The following ABCA6 variants were observed in gnomAD, a reference collection of about 807,000 sequenced individuals.
ABCA6 encodes the protein ATP binding cassette subfamily A member 6, also known as ATP-binding cassette sub-family A member 6.
ABCA6 carries 164 observed loss-of-function variants against 191.2 expected under a neutral mutation model. That is an observed-to-expected ratio of 0.86 (90% CI 0.76 to 0.98). The LOEUF is 0.98. ABCA6 is among the 50% of genes least tolerant of loss of function. The pLI, the probability that ABCA6 is intolerant of heterozygous loss-of-function variation, is 0.00. For synonymous variants in ABCA6, 636 were observed against 647.7 expected (o/e 0.98, Z 0.27); for missense variants, 1,958 against 1,894.1 (o/e 1.03, Z -0.63).
chr17:69,085,931 C>T (rs1011359807), intron 30 of ABCA6, among the ~76,000 whole-genome samples: 2 of 152,196 alleles, frequency 1.3e-5, no homozygotes, highest in Admixed American at 6.5e-5. Flanking sequence ...GATGTCAATA[C>T]ATCTGTCCTT....
Position 69,089,513 on chromosome 17 carries a change from T to A in ABCA6, c.3558A>T (p.Pro1186=). Residue 1186 remains proline (P), a synonymous_variant, in exon 27 of 39, where the codon CCA becomes CCT. Transcript: ENST00000284425. ...TGGCACTCAATTCAAAATTTGCCTCTGGAAATTCTCTGTAGTGCTCCTGGT... is the reference window on the plus strand; with the variant it reads ...TGGCACTCAATTCAAAATTTGCCTCAGGAAATTCTCTGTAGTGCTCCTGGT... ...VRDQEHYREF[P]EANFELSATD... 4 of 1,613,668 alleles carry A rather than the reference T, an allele frequency of 2.5e-6. No homozygotes were observed. The highest frequency in any genetic ancestry group is 3.4e-6 in the Non-Finnish European group (4 of 1,179,904).
chr17:69,138,275 C>T (rs2073980033), intron 2 of ABCA6, among the ~76,000 whole-genome samples: 1 of 152,140 alleles, frequency 6.6e-6, no homozygotes, highest in Non-Finnish European at 1.5e-5. Context: ...ACTTTACTTC[C>T]ACTCTCAACT....
intron 12 of ABCA6, among the ~76,000 whole-genome samples, 169 bp from the exon 13 acceptor site, chr17:69,115,106 A>G (rs2073512317): frequency 6.6e-6 from 1 of 152,124 alleles, no homozygotes; most frequent in Non-Finnish European, 1.5e-5. Flanking sequence ...TGTGAACACA[A>G]TTTGTGAACT....
chr17:69,136,459 A>C (rs2073949964), intron 3 of ABCA6, among the ~76,000 whole-genome samples: 1 of 152,208 alleles, frequency 6.6e-6, no homozygotes, highest in Admixed American at 6.5e-5. Flanking sequence ...TACATGTTTT[A>C]TTTTCATAAT....
Position 69,128,502 on chromosome 17 carries a change from C to T in ABCA6, c.1119+117G>A, listed in dbSNP as rs138298037. ...GTAATAATAACATTTTAAAGCTTAA[C>T]TTTAGAAAAATTGTTTAGAATAAAA... is the stretch of plus-strand genomic sequence containing the variant. On this transcript the variant is annotated intron_variant, in intron 8 of 38. Transcript: ENST00000284425. 69 of 700,626 alleles carry T rather than the reference C, an allele frequency of 9.8e-5. No individual in the cohort carries two copies. The African/African-American group carries it at 1.0e-3, about 10-fold the overall frequency. The allele number at this position is 700,626 out of a possible 1,614,324, so 43.4% of individuals were successfully genotyped here.
Position 69,133,734 on chromosome 17 carries a change from G to A in ABCA6, c.698C>T (p.Pro233Leu), listed in dbSNP as rs1351381773. The A allele has an allele frequency of 3.1e-6, 5 of 1,610,876 alleles. No individual in the cohort carries two copies. In the African/African-American group the frequency reaches 4.0e-5, roughly 13 times the overall value. The change falls in exon 6 of 39, where the codon CCA becomes CTA. Residue 233 changes from proline (P) to leucine (L), a missense_variant. Transcript: ENST00000284425. ...FILFFLLHFS[P>L]LVYFISLNVT... is the part of the protein sequence containing the mutation. ...ATTGAGTGATATAAAATATACAAGTGGGGAGAAATGAAGCAAGAAGAATAA... is the reference window on the plus strand; with the variant it reads ...ATTGAGTGATATAAAATATACAAGTAGGGAGAAATGAAGCAAGAAGAATAA...
chr17:69,106,218 A>G lies in ABCA6; in HGVS notation c.2390-7T>C. The G allele has an allele frequency of 6.2e-7, 1 of 1,605,136 alleles. No individual in the cohort carries two copies. The highest frequency in any genetic ancestry group is 8.5e-7 in the Non-Finnish European group (1 of 1,176,270). ...ATCTCCACTTGTTCGAAATCTATAA[A>G]CACACACATACACAAACACACATAT... On this transcript the variant is annotated splice_region_variant and splice_polypyrimidine_tract_variant and intron_variant, in intron 18 of 38. Transcript: ENST00000284425.
At chr17:69,079,140 G>A in intron 38 of ABCA6, 66 bp from the exon 39 acceptor site, 1 of 1,577,804 alleles carries the variant, frequency 6.3e-7, no homozygotes, top group Non-Finnish European at 8.7e-7. Flanking sequence ...TCTTCCAAAT[G>A]AACAGGAAAA....
chr17:69,115,503 T>G lies in ABCA6; in HGVS notation c.1496-17A>C. 3 of 1,588,174 alleles carry G rather than the reference T, an allele frequency of 1.9e-6. No homozygotes were observed. The highest frequency in any genetic ancestry group is 2.6e-6 in the Non-Finnish European group (3 of 1,162,790). ...AGAGCAAGCCTATTTTTAGAACAAA[T>G]TGTTAACAAATTATTAACAGTATAA... On this transcript the variant is annotated splice_polypyrimidine_tract_variant and intron_variant, in intron 11 of 38. Coordinates refer to ENST00000284425, the MANE Select transcript of ABCA6 (RefSeq NM_080284.3).
Position 69,113,206 on chromosome 17 carries a change from T to G in ABCA6, c.2041+16A>C. ...CAATTGCATCATGGTAACACTGAGA[T>G]AAAACCAACAATTACCAGCCAGGAT... is the stretch of plus-strand genomic sequence containing the variant. On this transcript the variant is annotated intron_variant, in intron 15 of 38. Coordinates refer to ENST00000284425, the MANE Select transcript of ABCA6 (RefSeq NM_080284.3). 1 of 1,597,698 alleles carries G rather than the reference T, an allele frequency of 6.3e-7. No homozygotes were observed. Among genetic ancestry groups the G allele is most frequent in the Non-Finnish European group, 8.5e-7 (1 of 1,175,000 alleles).
intron 28 of ABCA6, 23 bp downstream of exon 28, chr17:69,088,144 A>C: frequency 6.3e-7 from 1 of 1,576,094 alleles, no homozygotes. Context: ...GATATTAAGT[A>C]TAAAGTTAAA....
At chr17:69,082,554 G>T (rs761406638) in intron 36 of ABCA6, among the ~76,000 whole-genome samples, 24 of 152,034 alleles carry the variant, frequency 1.6e-4, no homozygotes, top group Non-Finnish European at 2.8e-4. Flanking sequence ...TTTATGAGGA[G>T]GCCCAGGAAG....
chr17:69,092,502 A>G (rs960879109), intron 25 of ABCA6, among the ~76,000 whole-genome samples: 1 of 152,170 alleles, frequency 6.6e-6, no homozygotes, highest in African/African-American at 2.4e-5. Flanking sequence ...CTAAACTTTG[A>G]CAGTGTGAGA....
At chr17:69,130,454 A>T (rs1055262578) in intron 6 of ABCA6, among the ~76,000 whole-genome samples, 1 of 152,204 alleles carries the variant, frequency 6.6e-6, no homozygotes, top group Admixed American at 6.5e-5. Context: ...TGTATTAAAC[A>T]GTATCAATAA....
chr17:69,133,991 C>T (rs1054633960), intron 5 of ABCA6, 124 bp from the exon 6 acceptor site: 1 of 621,090 alleles, frequency 1.6e-6, no homozygotes, highest in Non-Finnish European at 2.7e-6. Flanking sequence ...TGTAGTTATG[C>T]AAGATGTTCC....
At chr17:69,114,584 A>G (rs2073500276) in intron 13 of ABCA6, among the ~76,000 whole-genome samples, 178 bp downstream of exon 13, 1 of 152,140 alleles carries the variant, frequency 6.6e-6, no homozygotes, top group Non-Finnish European at 1.5e-5. Context: ...ATAAAATCCA[A>G]AATGATTCAT....
In ABCA6 at chr17:69,083,019, G is replaced by A. The variant is rs769974219; in HGVS notation, c.4476-6C>T. ...GTTGGATGGAGCCAATGCATCTATG[G>A]GCAAGAAAGAGAATATGTTGGAAAA... On this transcript the variant is annotated splice_polypyrimidine_tract_variant and splice_region_variant and intron_variant, in intron 35 of 38. Transcript: ENST00000284425. 5 of 1,612,690 alleles carry A rather than the reference G, an allele frequency of 3.1e-6. No individual in the cohort carries two copies. Among genetic ancestry groups the A allele is most frequent in the African/African-American group, 2.7e-5 (2 of 74,934 alleles).
chr17:69,089,655 TTC>T, intron 26 of ABCA6, 113 bp from the exon 27 acceptor site: 1 of 874,762 alleles, frequency 1.1e-6, no homozygotes, highest in South Asian at 1.9e-5. Context: ...AGATCTCAAT[TTC>T]TTTGTGTGCA....
At chr17:69,121,423 G>A (rs1296843889) in intron 10 of ABCA6, among the ~76,000 whole-genome samples, 1 of 151,578 alleles carries the variant, frequency 6.6e-6, no homozygotes, top group African/African-American at 2.4e-5. Context: ...CTGGGGTGAG[G>A]TGCCCCACAA....
Sources: gnomAD v4.1 joint callset for allele counts (sites outside exome capture counted in the v4.1 genomes callset) on GRCh38, gnomAD v4.1.1 for gene constraint, MANE v1.5 for transcripts, NCBI Gene and HGNC (gene_info 2026-07-23, HGNC 2026-07-21) for gene names.